Variants in ST8SIA6 observed in about 807,000 individuals in gnomAD.
ST8SIA6 encodes the protein alpha-2,8-sialyltransferase 8F.
In ST8SIA6, 39 loss-of-function variants were observed where a neutral mutation model predicts 33.6. That is an observed-to-expected ratio of 1.16 (90% CI 0.90 to 1.52). ST8SIA6 has a LOEUF of 1.52. ST8SIA6 is among the 40% of genes most tolerant of loss of function. ST8SIA6 has a pLI of 0.00. For synonymous variants in ST8SIA6, 172 were observed against 167.2 expected (o/e 1.03, Z -0.22); for missense variants, 441 against 443.8 (o/e 0.99, Z 0.06).
At chr10:17,452,432 G>C (rs1006143698) in intron 2 of ST8SIA6, among the ~76,000 whole-genome samples, 1 of 152,180 alleles carries the variant, frequency 6.6e-6, no homozygotes, top group Non-Finnish European at 1.5e-5. Flanking sequence ...AAAAGAGACC[G>C]TATAGCAGAT....
intron 4 of ST8SIA6, among the ~76,000 whole-genome samples, chr10:17,333,780 G>A (rs1207412115): frequency 7.6e-6 from 1 of 131,282 alleles, no homozygotes; most frequent in Non-Finnish European, 1.6e-5. Flanking sequence ...GGAGTGCAGC[G>A]GCACAATTTC....
intron 4 of ST8SIA6, among the ~76,000 whole-genome samples, chr10:17,332,142 C>G (rs1005459425): frequency 1.6e-4 from 24 of 152,142 alleles, no homozygotes; most frequent in Admixed American, 1.2e-3. Flanking sequence ...TTTATGGCTG[C>G]GTAGCATTCC....
chr10:17,333,690 TATATATATATATATATATATATATA>T lies in ST8SIA6; in HGVS notation c.378-2163_378-2139del, dbSNP rs1213029567. On this transcript the variant is annotated intron_variant, in intron 4 of 7. Coordinates refer to ENST00000377602, the MANE Select transcript of ST8SIA6 (RefSeq NM_001004470.3). ...GTGCTGGGATATATATATATATATA[TATATATATATATATATATATATATA>T]TATTTTTTTTTTTTTTTTTTTTTTT... Among the ~76,000 whole-genome samples, 211 of 39,162 alleles carry T rather than the reference TATATATATATATATATATATATATA, an allele frequency of 5.4e-3. 20 individuals carry two copies. Among genetic ancestry groups the T allele is most frequent in the East Asian group, 0.014 (25 of 1,840 alleles). 25.7% of individuals were successfully genotyped at this position (39,162 alleles called of 152,430 possible).
chr10:17,350,447 A>C (rs1588824855), intron 4 of ST8SIA6, among the ~76,000 whole-genome samples: 1 of 152,168 alleles, frequency 6.6e-6, no homozygotes, highest in East Asian at 1.9e-4. Context: ...CCAGCTACTC[A>C]GAAGGCTGAG....
intron 4 of ST8SIA6, among the ~76,000 whole-genome samples, chr10:17,334,551 A>ATT (rs370610031): frequency 0.016 from 2,216 of 142,672 alleles, 24 homozygotes; most frequent in Non-Finnish European, 0.022. Flanking sequence ...AAAAAAAAAA[A>ATT]ATTATTATTA....
At chr10:17,354,725 G>A (rs1053218280) in intron 4 of ST8SIA6, among the ~76,000 whole-genome samples, 1 of 152,140 alleles carries the variant, frequency 6.6e-6, no homozygotes, top group Non-Finnish European at 1.5e-5. Context: ...ATCCTGGATA[G>A]GCAATTGAAT....
intron 5 of ST8SIA6, 96 bp from the exon 6 acceptor site, chr10:17,327,222 T>C: frequency 1.1e-6 from 1 of 873,524 alleles, no homozygotes; most frequent in Non-Finnish European, 1.8e-6. Flanking sequence ...TTATACATGC[T>C]AAGGAGAAGA....
At chr10:17,361,486 A>G (rs1407716643) in intron 3 of ST8SIA6, among the ~76,000 whole-genome samples, 1 of 150,524 alleles carries the variant, frequency 6.6e-6, no homozygotes, top group Non-Finnish European at 1.5e-5. Context: ...CATTAATAAT[A>G]TTGATTTTGT....
intron 3 of ST8SIA6, among the ~76,000 whole-genome samples, chr10:17,384,769 G>A (rs1362015700): frequency 1.3e-5 from 2 of 152,100 alleles, no homozygotes; most frequent in Non-Finnish European, 2.9e-5. Flanking sequence ...ACATACATAA[G>A]CTACTTTCAT....
intron 4 of ST8SIA6, among the ~76,000 whole-genome samples, chr10:17,341,918 AAAAC>A (rs1848690822): frequency 6.6e-6 from 1 of 150,556 alleles, no homozygotes; most frequent in African/African-American, 2.5e-5. Flanking sequence ...AAAAAAAAAA[AAAAC>A]AAAAAGAAAG....
At chr10:17,447,042 GAAAA>G (rs1251754226) in intron 2 of ST8SIA6, among the ~76,000 whole-genome samples, 2 of 145,140 alleles carry the variant, frequency 1.4e-5, no homozygotes, top group African/African-American at 5.1e-5. Context: ...AAAAAAAAAA[GAAAA>G]AGAGAAAAAA....
intron 4 of ST8SIA6, among the ~76,000 whole-genome samples, chr10:17,352,751 TG>T (rs45474196): frequency 0.011 from 1,662 of 152,224 alleles, 40 homozygotes; most frequent in East Asian, 0.084. Flanking sequence ...AGTTAGTTTC[TG>T]TTATTAAATA....
At chr10:17,336,635 C>T (rs1848508316) in intron 4 of ST8SIA6, among the ~76,000 whole-genome samples, 2 of 150,606 alleles carry the variant, frequency 1.3e-5, no homozygotes, top group African/African-American at 4.9e-5. Flanking sequence ...ACTACCTCAC[C>T]CAGGCTGAAG....
At chr10:17,428,877 G>T (rs1852015876) in intron 2 of ST8SIA6, among the ~76,000 whole-genome samples, 1 of 152,172 alleles carries the variant, frequency 6.6e-6, no homozygotes, top group East Asian at 1.9e-4. Context: ...AAAGCCTGCT[G>T]GGAGAACAGT....
intron 2 of ST8SIA6, among the ~76,000 whole-genome samples, chr10:17,452,587 C>A (rs1852953354): frequency 6.6e-6 from 1 of 152,198 alleles, no homozygotes; most frequent in East Asian, 1.9e-4. Context: ...ATCTCAACTC[C>A]TGTCTGTCCA....
Position 17,329,055 on chromosome 10 carries a change from C to T in ST8SIA6, c.523-1929G>A, listed in dbSNP as rs189402909. ...GCAGTCCGGAGTGACAGAAGATGCC[C>T]CAGAATCATTGTGACTGCTGTCTGC... On this transcript the variant is annotated intron_variant, in intron 5 of 7. Transcript: ENST00000377602. 2.0e-5 allele frequency among the ~76,000 whole-genome samples: 3 copies of T among 152,132 alleles called. No homozygotes were observed. In the East Asian group the frequency reaches 5.8e-4, roughly 29 times the overall value.
intron 2 of ST8SIA6, among the ~76,000 whole-genome samples, chr10:17,408,515 T>C (rs533991327): frequency 6.6e-6 from 1 of 151,708 alleles, no homozygotes; most frequent in African/African-American, 2.4e-5. Context: ...AAGGCAAAAA[T>C]TAGCTGGGCA....
In ST8SIA6 at chr10:17,390,803, A is replaced by AAAAAAC. The variant is rs1554795684; in HGVS notation, c.201-184_201-183insGTTTTT. ...TCACCTCTGATGGGTCTAAATGAAA[A>AAAAAAC]AAAAAACAAAAAACTTACGCTGTAA... is the stretch of plus-strand genomic sequence containing the variant. On this transcript the variant is annotated intron_variant, in intron 2 of 7. Coordinates refer to ENST00000377602, the MANE Select transcript of ST8SIA6 (RefSeq NM_001004470.3). 2.6e-4 allele frequency among the ~76,000 whole-genome samples: 39 copies of AAAAAAC among 151,600 alleles called. 1 individual carries two copies. The highest frequency in any genetic ancestry group is 9.2e-4 in the Admixed American group (14 of 15,218).
chr10:17,369,544 C>T (rs1235263928), intron 3 of ST8SIA6, among the ~76,000 whole-genome samples: 1 of 152,136 alleles, frequency 6.6e-6, no homozygotes, highest in Non-Finnish European at 1.5e-5. Context: ...TCATCATAGT[C>T]TGTTGTTACA....
Sources: allele counts gnomAD v4.1 joint callset (sites outside exome capture counted in the v4.1 genomes callset), GRCh38; gene constraint gnomAD v4.1.1; transcripts MANE v1.5; gene names NCBI Gene and HGNC (gene_info 2026-07-23, HGNC 2026-07-21).